Variants in ARG2 observed in about 807,000 individuals in gnomAD.
ARG2 encodes arginase-2, mitochondrial.
A neutral mutation model predicts 39.4 loss-of-function variants in ARG2; 21 were observed. That is an observed-to-expected ratio of 0.53 (90% CI 0.38 to 0.77). The LOEUF is 0.77. Ranked by LOEUF, ARG2 falls within the 30% of genes least tolerant of loss-of-function variation. The pLI, the probability that ARG2 is intolerant of heterozygous loss-of-function variation, is 0.00. For missense variants in ARG2, 378 were observed against 426.2 expected (o/e 0.89, Z 1.00); for synonymous variants, 150 against 156.7 (o/e 0.96, Z 0.32).
intron 1 of ARG2, 133 bp from the exon 2 acceptor site, chr14:67,620,761 A>C (rs1942677027): frequency 1.3e-6 from 1 of 796,518 alleles, no homozygotes. Flanking sequence ...ATGGAGTTGG[A>C]AGGACAGTCA....
At chr14:67,626,247 C>T (rs2036865038) in intron 2 of ARG2, among the ~76,000 whole-genome samples, 1 of 151,474 alleles carries the variant, frequency 6.6e-6, no homozygotes, top group Non-Finnish European at 1.5e-5. Context: ...GAGTGAGACT[C>T]TGTCTCAGGG....
intron 2 of ARG2, among the ~76,000 whole-genome samples, chr14:67,634,843 C>T (rs1295370183): frequency 6.6e-6 from 1 of 152,150 alleles, no homozygotes. Context: ...TTACTTATCC[C>T]TCTCTATTAA....
intron 4 of ARG2, among the ~76,000 whole-genome samples, chr14:67,646,113 A>G (rs556682289): frequency 2.6e-5 from 4 of 152,326 alleles, no homozygotes; most frequent in South Asian, 4.1e-4. Flanking sequence ...AAGACAAATA[A>G]AACCATGACC....
rs147684400 is a variant in ARG2, at chr14:67,628,416, A to G, written c.184+7450A>G. Among the ~76,000 whole-genome samples the G allele has an allele frequency of 2.0e-5, 3 of 152,334 alleles. No individual in the cohort carries two copies. In the East Asian group the frequency reaches 5.8e-4, roughly 29 times the overall value. On this transcript the variant is annotated intron_variant, in intron 2 of 7. Transcript: ENST00000261783. ...CAGATTCCTTTTAGGAGGTGAATAC[A>G]TAATCAGTAATTTGCTAATGCCTTA...
chr14:67,620,690 T>C (rs1885042), intron 1 of ARG2, among the ~76,000 whole-genome samples: 51,486 of 151,868 alleles, frequency 0.34, 9,427 homozygotes, highest in African/African-American at 0.47. Context: ...GCCTAGCTCC[T>C]GGATCCTAAC....
intron 2 of ARG2, among the ~76,000 whole-genome samples, chr14:67,637,230 C>T (rs770032437): frequency 3.3e-5 from 5 of 151,476 alleles, no homozygotes; most frequent in Admixed American, 6.6e-5. Flanking sequence ...ACCAACATGG[C>T]GAAACCTCGT....
At position 67,629,766 on chromosome 14, in the gene ARG2, G is replaced by A. The variant is rs78630203; in HGVS notation, c.184+8800G>A. On this transcript the variant is annotated intron_variant, in intron 2 of 7. Coordinates refer to ENST00000261783, the MANE Select transcript of ARG2 (RefSeq NM_001172.4). ...TTATAGTTTCATTATTGTGAAATGT[G>A]TTCAAGATCCTACAGTAAAAGTGAA... is the stretch of plus-strand genomic sequence containing the variant. 4.9e-3 allele frequency among the ~76,000 whole-genome samples: 753 copies of A among 152,232 alleles called. 36 individuals carry two copies. In the East Asian group the frequency reaches 0.083, roughly 17 times the overall value.
At position 67,651,535 on chromosome 14, in the gene ARG2, T is replaced by TAAAC. The variant is rs2037176796; in HGVS notation, c.*617_*620dup. The TAAAC allele has an allele frequency of 6.3e-7, 1 of 1,596,568 alleles. No homozygotes were observed. ...TCAGAAGTTTGGATAACCTTCCTTC[T>TAAAC]AAACATTTTGGGGTTAGACCTGGGA... On this transcript the variant is annotated 3_prime_UTR_variant, in exon 8 of 8. Transcript: ENST00000261783.
Position 67,651,116 on chromosome 14 carries a change from A to G in ARG2, c.*196A>G. The G allele has an allele frequency of 1.1e-6, 1 of 913,568 alleles. No homozygotes were observed. The highest frequency in any genetic ancestry group is 1.6e-6 in the Non-Finnish European group (1 of 616,706). The allele number at this position is 913,568 out of a possible 1,614,324, so 56.6% of individuals were successfully genotyped here. A position where few individuals can be genotyped will look rare whatever the true frequency, so the allele number is the denominator to read the frequency against. On this transcript the variant is annotated 3_prime_UTR_variant, in exon 8 of 8. Coordinates refer to ENST00000261783, the MANE Select transcript of ARG2 (RefSeq NM_001172.4). ...AAATGTATTTGGTTTTTTGCAGTTC[A>G]CAGGGTATTAATATGCTACAGTACT...
intron 7 of ARG2, 127 bp from the exon 8 acceptor site, chr14:67,650,588 A>T (rs1240862262): frequency 3.9e-6 from 3 of 773,166 alleles, no homozygotes; most frequent in Non-Finnish European, 6.5e-6. Context: ...TCCTAAAAAT[A>T]GGTATTTTCT....
At position 67,648,101 on chromosome 14, in the gene ARG2, G is replaced by A. The variant is rs1336372870; in HGVS notation, c.777G>A (p.Leu259=). 2 of 1,613,792 alleles carry A rather than the reference G, an allele frequency of 1.2e-6. 1 individual carries two copies. Among genetic ancestry groups the A allele is most frequent in the Admixed American group, 3.3e-5 (2 of 59,968 alleles). ...SFDIDAFDPT[L]APATGTPVVG... ...ATATTGATGCATTTGACCCTACACT[G>A]GCTCCAGCCACAGGAACTCCTGTTG... The change falls in exon 7 of 8, where the codon CTG becomes CTA. Residue 259 remains leucine, a synonymous_variant. Coordinates refer to ENST00000261783, the MANE Select transcript of ARG2 (RefSeq NM_001172.4).
At chr14:67,634,469 C>A (rs908842363) in intron 2 of ARG2, among the ~76,000 whole-genome samples, 1 of 150,314 alleles carries the variant, frequency 6.7e-6, no homozygotes, top group South Asian at 2.1e-4. Context: ...GGTGTGGCTT[C>A]TGTAGTCCCA....
At chr14:67,620,425 G>A (rs2036797162) in intron 1 of ARG2, among the ~76,000 whole-genome samples, 1 of 152,230 alleles carries the variant, frequency 6.6e-6, no homozygotes, top group African/African-American at 2.4e-5. Flanking sequence ...GGGGCTGGAG[G>A]AGGCGAAACT....
chr14:67,625,713 A>G (rs2036859180), intron 2 of ARG2, among the ~76,000 whole-genome samples: 1 of 146,994 alleles, frequency 6.8e-6, no homozygotes. Flanking sequence ...AACTGGAAAG[A>G]CTTCATCAAT....
intron 7 of ARG2, 120 bp downstream of exon 7, chr14:67,648,303 T>A: frequency 1.7e-6 from 2 of 1,172,744 alleles, no homozygotes; most frequent in Non-Finnish European, 2.3e-6. Flanking sequence ...TTGCTTAAAC[T>A]TTTGTAGCTA....
At chr14:67,641,694 C>A (rs190435507) in intron 2 of ARG2, among the ~76,000 whole-genome samples, 155 of 152,270 alleles carry the variant, frequency 1.0e-3, no homozygotes, top group African/African-American at 3.6e-3. Context: ...AATCCCAGCA[C>A]TTTGGGAGGA....
At chr14:67,627,263 A>ATG (rs1269289768) in intron 2 of ARG2, among the ~76,000 whole-genome samples, 6 of 146,248 alleles carry the variant, frequency 4.1e-5, no homozygotes, top group Non-Finnish European at 6.0e-5. Flanking sequence ...GGAGATATAT[A>ATG]TATATATATA....
intron 7 of ARG2, chr14:67,649,996 A>G (rs898696647): frequency 6.6e-6 from 1 of 152,334 alleles, no homozygotes; most frequent in Non-Finnish European, 1.5e-5. Context: ...CCAAAGGAAC[A>G]CTACCGAGAA....
intron 2 of ARG2, among the ~76,000 whole-genome samples, chr14:67,634,737 G>C (rs17249444): frequency 0.21 from 31,300 of 152,180 alleles, 3,995 homozygotes; most frequent in African/African-American, 0.36. Flanking sequence ...TAGACAGATG[G>C]TGCATTGTTA....
Sources: allele counts gnomAD v4.1 joint callset (sites outside exome capture counted in the v4.1 genomes callset), GRCh38; gene constraint gnomAD v4.1.1; transcripts MANE v1.5; gene names NCBI Gene and HGNC (gene_info 2026-07-23, HGNC 2026-07-21).